Variants in PHLDB2 observed in about 807,000 individuals in gnomAD.
PHLDB2 encodes pleckstrin homology like domain family B member 2.
In PHLDB2, 71 loss-of-function variants were observed where a neutral mutation model predicts 123.6. That is an observed-to-expected ratio of 0.57 (90% CI 0.47 to 0.70). The LOEUF (loss-of-function observed/expected upper bound fraction) is 0.70. PHLDB2 is among the 30% of genes least tolerant of loss of function. The pLI, the probability that PHLDB2 is intolerant of heterozygous loss-of-function variation, is 0.00. For synonymous variants in PHLDB2, 547 were observed against 541.6 expected, an observed-to-expected ratio of 1.01 and a Z score of -0.14; for missense variants, 1,446 against 1,519.5, an observed-to-expected ratio of 0.95 and a Z score of 0.80.
intron 1 of PHLDB2, among the ~76,000 whole-genome samples, chr3:111,839,334 A>G (rs1387559732): frequency 6.6e-6 from 1 of 152,224 alleles, no homozygotes; most frequent in Non-Finnish European, 1.5e-5. Flanking sequence ...TGTCAATGAC[A>G]ATGTCCTGAT....
chr3:111,781,054 A>T (rs1367310833), intron 1 of PHLDB2, among the ~76,000 whole-genome samples: 1 of 151,958 alleles, frequency 6.6e-6, no homozygotes, highest in Non-Finnish European at 1.5e-5. Flanking sequence ...TTTCTTTTGC[A>T]TTATCTTCCT....
intron 1 of PHLDB2, 157 bp downstream of exon 1, chr3:111,859,733 G>A (rs916441055): frequency 3.0e-6 from 3 of 985,340 alleles, no homozygotes; most frequent in South Asian, 4.7e-5. Flanking sequence ...TGGCTGCCCG[G>A]GCCGAGGAGG....
In PHLDB2 at chr3:111,975,694, G is replaced by T. The variant is rs987345724; in HGVS notation, c.*1131G>T. On this transcript the variant is annotated 3_prime_UTR_variant, in exon 18 of 18. Transcript: ENST00000431670. ...TTAGTTAATTTTTGTCAAATGAAAC[G>T]ACTTCAGGCAAGTCTCTTTTATAAT... 6 of 152,236 alleles carry T rather than the reference G, an allele frequency of 3.9e-5. No homozygotes were observed. 9.4% of individuals were successfully genotyped at this position (152,236 alleles called of 1,614,324 possible).
intron 12 of PHLDB2, among the ~76,000 whole-genome samples, chr3:111,959,456 A>G (rs151297592): frequency 6.6e-6 from 1 of 152,366 alleles, no homozygotes; most frequent in African/African-American, 2.4e-5. Flanking sequence ...AAAGATGCTT[A>G]TTATTGGCCT....
intron 1 of PHLDB2, among the ~76,000 whole-genome samples, chr3:111,771,394 G>A (rs1277057817): frequency 6.6e-6 from 1 of 151,604 alleles, no homozygotes; most frequent in African/African-American, 2.4e-5. Flanking sequence ...CACTTGCCCA[G>A]GCTGGAGTGC....
At chr3:111,925,439 G>A (rs765715880) in intron 5 of PHLDB2, among the ~76,000 whole-genome samples, 4 of 152,082 alleles carry the variant, frequency 2.6e-5, no homozygotes, top group Admixed American at 6.6e-5. Context: ...GCCACCTGCC[G>A]GTTGTGTTCT....
At chr3:111,753,715 G>A (rs2059828367) in intron 1 of PHLDB2, among the ~76,000 whole-genome samples, 1 of 152,188 alleles carries the variant, frequency 6.6e-6, no homozygotes, top group African/African-American at 2.4e-5. Context: ...TAGATATGAA[G>A]TCCTTGCCCA....
rs1289917041 is a variant in PHLDB2, at chr3:111,884,699, G to A, written c.622G>A (p.Ala208Thr). 1 of 1,614,096 alleles carries A rather than the reference G, an allele frequency of 6.2e-7. No homozygotes were observed. ...AAGCATGCCTTCAAGCCCAAAGCAA[G>A]CCAGGAAAATGAGCATTCAGGACAG... ...AASMPSSPKQ[A>T]RKMSIQDSLA... Residue 208 changes from alanine to threonine, a missense_variant, in exon 2 of 18, where the codon GCC (alanine) becomes ACC (threonine). Ala to Thr is a moderately conservative substitution (Grantham distance 58). Transcript: ENST00000431670.
At chr3:111,918,503 C>T (rs1198895943) in intron 3 of PHLDB2, among the ~76,000 whole-genome samples, 1 of 152,150 alleles carries the variant, frequency 6.6e-6, no homozygotes, top group Non-Finnish European at 1.5e-5. Flanking sequence ...AAGTGATGTG[C>T]CCTTGCTTTT....
At chr3:111,962,893 C>T (rs867972418) in intron 13 of PHLDB2, among the ~76,000 whole-genome samples, 3 of 141,046 alleles carry the variant, frequency 2.1e-5, no homozygotes, top group Middle Eastern at 3.4e-3. Context: ...TGTGCCATTG[C>T]ACTCCGGCCT....
At chr3:111,818,939 C>T (rs886963431) in intron 1 of PHLDB2, among the ~76,000 whole-genome samples, 1 of 152,058 alleles carries the variant, frequency 6.6e-6, no homozygotes, top group African/African-American at 2.4e-5. Context: ...ATTTAGGCTG[C>T]CAAAACAAAA....
At chr3:111,739,665 CCT>C (rs1243322060) in intron 1 of PHLDB2, among the ~76,000 whole-genome samples, 1 of 151,890 alleles carries the variant, frequency 6.6e-6, no homozygotes, top group East Asian at 1.9e-4. Context: ...TGAGATCACC[CCT>C]GTCTCCCTGC....
intron 5 of PHLDB2, among the ~76,000 whole-genome samples, chr3:111,920,819 G>A (rs10934124): frequency 2.0e-5 from 3 of 151,994 alleles, no homozygotes; most frequent in African/African-American, 7.3e-5. Context: ...TTCAAATAGG[G>A]TTGCCTCATT....
chr3:111,860,438 C>G (rs1276310644), intron 1 of PHLDB2, among the ~76,000 whole-genome samples: 1 of 152,252 alleles, frequency 6.6e-6, no homozygotes, highest in Non-Finnish European at 1.5e-5. Flanking sequence ...TTTTAACCCT[C>G]TGTTTCTCCA....
intron 1 of PHLDB2, among the ~76,000 whole-genome samples, chr3:111,750,812 G>A (rs1360746080): frequency 6.6e-6 from 1 of 151,918 alleles, no homozygotes; most frequent in Non-Finnish European, 1.5e-5. Flanking sequence ...CGGGCATGGT[G>A]GTGCATGCCT....
intron 1 of PHLDB2, among the ~76,000 whole-genome samples, chr3:111,860,740 C>T (rs1284765393): frequency 6.6e-6 from 1 of 152,210 alleles, no homozygotes; most frequent in Non-Finnish European, 1.5e-5. Context: ...CTCCGGGCGC[C>T]TGGCCCTGCC....
intron 2 of PHLDB2, among the ~76,000 whole-genome samples, chr3:111,895,904 A>ATT (rs2066834635): frequency 2.3e-5 from 3 of 129,678 alleles, no homozygotes; most frequent in Admixed American, 1.6e-4. Flanking sequence ...ATCTATTTAT[A>ATT]TGGAGATACA....
At chr3:111,816,313 C>T (rs906048046) in intron 1 of PHLDB2, among the ~76,000 whole-genome samples, 1 of 152,146 alleles carries the variant, frequency 6.6e-6, no homozygotes, top group African/African-American at 2.4e-5. Context: ...GAACTGTTCA[C>T]CTGGAAAAGC....
At chr3:111,883,945 G>T in intron 1 of PHLDB2, 119 bp from the exon 2 acceptor site, 7 of 903,868 alleles carry the variant, frequency 7.7e-6, no homozygotes, top group Non-Finnish European at 1.2e-5. Context: ...AACTGAGTTT[G>T]TGTTTGTTAG....
Sources: gnomAD v4.1 joint callset for allele counts (sites outside exome capture counted in the v4.1 genomes callset) on GRCh38, gnomAD v4.1.1 for gene constraint, MANE v1.5 for transcripts, NCBI Gene and HGNC (gene_info 2026-07-23, HGNC 2026-07-21) for gene names.